UBN2: variants seen among roughly 807,000 people sequenced by gnomAD.
The protein encoded by UBN2 is ubinuclein 2.
UBN2 carries 35 observed loss-of-function variants against 120.2 expected under a neutral mutation model. That is an observed-to-expected ratio of 0.29 (90% CI 0.22 to 0.39). The LOEUF (loss-of-function observed/expected upper bound fraction) is 0.39, where lower values mean the gene tolerates loss of function less well. Ranked by LOEUF, UBN2 falls within the 10% of genes least tolerant of loss-of-function variation. The pLI is 1.00. For missense variants in UBN2, 1,693 were observed against 1,663.2 expected, an observed-to-expected ratio of 1.02 and a Z score of -0.31; for synonymous variants, 661 against 648.7, an observed-to-expected ratio of 1.02 and a Z score of -0.29.
chr7:139,281,366 T>A (rs1435011277), intron 13 of UBN2, among the ~76,000 whole-genome samples: 1 of 152,090 alleles, frequency 6.6e-6, no homozygotes, highest in African/African-American at 2.4e-5. Flanking sequence ...AAAATGCAAA[T>A]AACCCGGAAA....
intron 2 of UBN2, among the ~76,000 whole-genome samples, chr7:139,240,271 T>TTG (rs927565314): frequency 6.0e-5 from 9 of 150,704 alleles, no homozygotes; most frequent in Admixed American, 4.6e-4. Flanking sequence ...TCTATGAGTA[T>TTG]TGTGTGTGTG....
chr7:139,268,950 C>T (rs1387691174), intron 7 of UBN2, among the ~76,000 whole-genome samples: 1 of 152,148 alleles, frequency 6.6e-6, no homozygotes, highest in Non-Finnish European at 1.5e-5. Context: ...CACCTGTAAT[C>T]CCACACTTTG....
In UBN2 at chr7:139,298,554, C is replaced by T. The variant is rs1798175214; in HGVS notation, c.*718C>T. 1 of 151,726 alleles carries T rather than the reference C, an allele frequency of 6.6e-6. No individual in the cohort carries two copies. Among genetic ancestry groups the T allele is most frequent in the African/African-American group, 2.4e-5 (1 of 41,292 alleles). The allele number at this position is 151,726 out of a possible 1,614,324, so 9.4% of individuals were successfully genotyped here. On this transcript the variant is annotated 3_prime_UTR_variant, in exon 18 of 18. Transcript: ENST00000473989. ...CTTAAGAGATGAAACCTAGATGTCC[C>T]CTTTTTGTAAAAGGGTCAATTTCAT...
chr7:139,304,366 C>T lies in UBN2; in HGVS notation c.*6530C>T, dbSNP rs1282102058. On this transcript the variant is annotated 3_prime_UTR_variant, in exon 18 of 18. Coordinates refer to ENST00000473989, the MANE Select transcript of UBN2 (RefSeq NM_173569.4). ...AAGGAAACATGTTTTCCCCAGCTCC[C>T]AGGAGGAGACGAAGATCATTTTATC... 1 of 152,084 alleles carries T rather than the reference C, an allele frequency of 6.6e-6. No homozygotes were observed. Among genetic ancestry groups the T allele is most frequent in the African/African-American group, 2.4e-5 (1 of 41,416 alleles). The allele number at this position is 152,084 out of a possible 1,614,324, so 9.4% of individuals were successfully genotyped here. A position where few individuals can be genotyped will look rare whatever the true frequency, so the allele number is the denominator to read the frequency against.
In UBN2 at chr7:139,283,768, G is replaced by C; in HGVS notation, c.2863G>C (p.Val955Leu). The C allele has an allele frequency of 1.9e-6, 3 of 1,613,690 alleles. No homozygotes were observed. Among genetic ancestry groups the C allele is most frequent in the Non-Finnish European group, 2.5e-6 (3 of 1,179,998 alleles). ...CATCAGTAAATCCCAGACCAACCCC[G>C]TCGTGAAGTTAAGTAATAATCCCCA... Reference protein sequence around the residue: ...ATISKSQTNPVVKLSNNPQLS... With the variant: ...ATISKSQTNPLVKLSNNPQLS... Residue 955 changes from valine to leucine, a missense_variant, in exon 15 of 18, where the codon GTC (valine) becomes CTC (leucine). By Grantham distance (32) the Val-to-Leu change is conservative. Coordinates refer to ENST00000473989, the MANE Select transcript of UBN2 (RefSeq NM_173569.4).
the UBN2 span, among the ~76,000 whole-genome samples, chr7:139,320,290 C>T: frequency 7.9e-5 from 12 of 151,556 alleles, no homozygotes; most frequent in East Asian, 5.9e-4. Flanking sequence ...GGTGAAACCC[C>T]GTCTCTACTA....
intron 11 of UBN2, among the ~76,000 whole-genome samples, chr7:139,274,435 G>GA (rs1200841628): frequency 6.6e-6 from 1 of 152,104 alleles, no homozygotes; most frequent in African/African-American, 2.4e-5. Flanking sequence ...TAGAGCATAG[G>GA]AAAAGAGACA....
chr7:139,311,871 A>G (rs963283111), downstream of UBN2, among the ~76,000 whole-genome samples: 7 of 152,210 alleles, frequency 4.6e-5, no homozygotes, highest in African/African-American at 1.7e-4. Context: ...TATTTGGTTT[A>G]GATGTAGCGT....
downstream of UBN2, among the ~76,000 whole-genome samples, chr7:139,310,308 TA>T (rs35212118): frequency 0.054 from 6,618 of 123,520 alleles, 202 homozygotes; most frequent in Non-Finnish European, 0.069. Flanking sequence ...CCTGTGTCTT[TA>T]AAAAAAAAAA....
chr7:139,259,299 G>T lies in UBN2; in HGVS notation c.834G>T (p.Met278Ile). ...VPKIKEDDIE[M>I]KKRKRKEEGE... is the part of the protein sequence containing the mutation. ...AAATAAAAGAAGATGATATTGAGAT[G>T]AAGAAGCGGAAGCGGAAAGAGGAAG... The change falls in exon 5 of 18, where the codon ATG (methionine) becomes ATT (isoleucine). Residue 278 changes from methionine (M) to isoleucine (I), a missense_variant. Met to Ile is a conservative substitution (Grantham distance 10, BLOSUM62 1). This residue lies in a region of UBN2 where 663 missense variants were observed against 591.2 expected (regional missense o/e 1.12). Coordinates refer to ENST00000473989, the MANE Select transcript of UBN2 (RefSeq NM_173569.4). 1 of 1,613,882 alleles carries T rather than the reference G, an allele frequency of 6.2e-7. No homozygotes were observed. Among genetic ancestry groups the T allele is most frequent in the Non-Finnish European group, 8.5e-7 (1 of 1,179,848 alleles).
the UBN2 span, among the ~76,000 whole-genome samples, chr7:139,327,149 T>G: frequency 4.2e-4 from 64 of 152,338 alleles, no homozygotes; most frequent in African/African-American, 1.5e-3. Context: ...TTATCCTGCC[T>G]CAGCCTCCTG....
At chr7:139,321,299 G>C in the UBN2 span, among the ~76,000 whole-genome samples, 1 of 152,192 alleles carries the variant, frequency 6.6e-6, no homozygotes, top group Non-Finnish European at 1.5e-5. Flanking sequence ...CTGTGTGCTG[G>C]ACGTTGCCCT....
chr7:139,269,551 T>A (rs1585010481), intron 8 of UBN2, 28 bp downstream of exon 8: 1 of 1,610,454 alleles, frequency 6.2e-7, no homozygotes. Context: ...AATATCTACA[T>A]CTTGGGTTTC....
At chr7:139,239,440 G>A (rs1243008312) in intron 2 of UBN2, among the ~76,000 whole-genome samples, 1 of 151,724 alleles carries the variant, frequency 6.6e-6, no homozygotes. Flanking sequence ...TTTATCTCTA[G>A]GAGAGATTCC....
chr7:139,324,567 A>AG, the UBN2 span, among the ~76,000 whole-genome samples: 1 of 151,062 alleles, frequency 6.6e-6, no homozygotes, highest in African/African-American at 2.4e-5. Flanking sequence ...AAAAAAAAAA[A>AG]AAAAAAAAGA....
In UBN2 at chr7:139,231,436, T is replaced by C. The variant is rs543836538; in HGVS notation, c.-49T>C. 8.6e-5 allele frequency: 109 copies of C among 1,274,802 alleles called. No homozygotes were observed. In the African/African-American group the frequency reaches 1.4e-3, roughly 17 times the overall value. 79.0% of individuals were successfully genotyped at this position (1,274,802 alleles called of 1,614,324 possible). ...GGGCGGGCAGGCACGCAGCGCGCCG[T>C]AGAAGCGAGCGCCGGCTCGAGCAAA... On this transcript the variant is annotated 5_prime_UTR_variant, in exon 1 of 18. Transcript: ENST00000473989.
At position 139,283,887 on chromosome 7, in the gene UBN2, A is replaced by G. The variant is rs748055375; in HGVS notation, c.2982A>G (p.Gln994=). ...LSTPSPGNGS[Q]GSHPLVSRTV... ...CCCCCTCACCTGGAAATGGTTCTCA[A>G]GGGTCCCACCCCCTGGTTTCTAGGA... The change falls in exon 15 of 18, where the codon CAA becomes CAG. Residue 994 remains glutamine, a synonymous_variant. Transcript: ENST00000473989. 1.9e-6 allele frequency: 3 copies of G among 1,614,122 alleles called. No homozygotes were observed.
At position 139,231,807 on chromosome 7, in the gene UBN2, C is replaced by G; in HGVS notation, c.323C>G (p.Pro108Arg). The change falls in exon 1 of 18, where the codon CCG (proline) becomes CGG (arginine). Residue 108 changes from proline (P) to arginine (R), a missense_variant. By Grantham distance (103) the Pro-to-Arg change is moderately radical. Around this residue, in one of 5 missense-constraint regions of UBN2, gnomAD observed 663 missense variants for 591.2 expected, o/e 1.12. Coordinates refer to ENST00000473989, the MANE Select transcript of UBN2 (RefSeq NM_173569.4). The part of the protein sequence containing the change: ...PFPPLPLQPP[P>R]PRESASRAEQ... The stretch of plus-strand genomic sequence containing the variant: ...CCGCCGCTGCCCTTGCAGCCGCCCC[C>G]GCCGCGGGAGTCGGCTTCCCGGGCT... 5.6e-6 allele frequency: 8 copies of G among 1,438,532 alleles called. No homozygotes were observed. In the South Asian group the frequency reaches 1.1e-4, roughly 20 times the overall value. 89.1% of individuals were successfully genotyped at this position (1,438,532 alleles called of 1,614,324 possible).
chr7:139,255,863 TTTTG>T (rs758310425), intron 3 of UBN2, among the ~76,000 whole-genome samples: 6 of 152,300 alleles, frequency 3.9e-5, no homozygotes, highest in East Asian at 1.9e-4. Context: ...AAAGAAAATG[TTTTG>T]TTTATTATTA....
Sources: gnomAD v4.1 joint callset for allele counts (sites outside exome capture counted in the v4.1 genomes callset) on GRCh38, gnomAD v4.1.1 for gene constraint, gnomAD v4.1.1 regional missense constraint, MANE v1.5 for transcripts, NCBI Gene and HGNC (gene_info 2026-07-23, HGNC 2026-07-21) for gene names.